The following OR7G2 variants were observed in gnomAD, a reference collection of about 807,000 sequenced individuals.
OR7G2 encodes olfactory receptor family 7 subfamily G member 2, also known as olfactory receptor 7G2.
For missense variants in OR7G2, 362 were observed against 384.0 expected, an observed-to-expected ratio of 0.94 and a Z score of 0.48; for synonymous variants, 153 against 152.2, an observed-to-expected ratio of 1.01 and a Z score of -0.04.
chr19:9,105,484 CA>C (rs2050380984), intron 1 of OR7G2, among the ~76,000 whole-genome samples: 1 of 152,038 alleles, frequency 6.6e-6, no homozygotes, highest in South Asian at 2.1e-4. Flanking sequence ...GAACTAAACC[CA>C]AAAACCACAT....
chr19:9,103,370 T>C (rs1353328798), intron 1 of OR7G2, 111 bp from the exon 2 acceptor site: 1 of 999,292 alleles, frequency 1.0e-6, no homozygotes, highest in Non-Finnish European at 1.5e-6. Flanking sequence ...GCTGATAAAC[T>C]CTGGGGATGA....
chr19:9,103,336 C>T, intron 1 of OR7G2, 77 bp from the exon 2 acceptor site: 1 of 1,461,102 alleles, frequency 6.8e-7, no homozygotes, highest in Non-Finnish European at 9.5e-7. Context: ...AACGCAAAAT[C>T]TTGCTCCCCT....
At position 9,102,259 on chromosome 19, in the gene OR7G2, T is replaced by C. The variant is rs1180945228; in HGVS notation, c.*10A>G. The C allele has an allele frequency of 1.3e-5, 20 of 1,573,614 alleles. 1 individual carries two copies. In the Admixed American group the frequency reaches 3.8e-4, roughly 30 times the overall value. ...GCATTCTAGCTCACCAGGAATCCTG[T>C]CACTTTGACTTACTCTAGAAACCTG... On this transcript the variant is annotated 3_prime_UTR_variant, in exon 2 of 2. Coordinates refer to ENST00000641081, the MANE Select transcript of OR7G2 (RefSeq NM_001005193.2).
In OR7G2 at chr19:9,106,379, C is replaced by T. The variant is rs1253604259; in HGVS notation, c.-17+935G>A. Among the ~76,000 whole-genome samples, 17 of 148,478 alleles carry T rather than the reference C, an allele frequency of 1.1e-4. No individual in the cohort carries two copies. The East Asian group carries it at 2.4e-3, about 21-fold the overall frequency. ...GGCAGAGGTTGCAGTAAGCCGAGAT[C>T]GTGCCACTGCACTCCAGCCTGGGTG... On this transcript the variant is annotated intron_variant, in intron 1 of 1. Coordinates refer to ENST00000641081, the MANE Select transcript of OR7G2 (RefSeq NM_001005193.2).
At chr19:9,103,401 C>T in intron 1 of OR7G2, 142 bp from the exon 2 acceptor site, 1 of 704,804 alleles carries the variant, frequency 1.4e-6, no homozygotes, top group Non-Finnish European at 2.4e-6. Flanking sequence ...TTTATTCTTT[C>T]ACAAGCCTTG....
chr19:9,103,072 G>A lies in OR7G2; in HGVS notation c.172C>T (p.Pro58Ser). ...AGATTGGAGAGGAAGAAGTACATGG[G>A]GGTGTGGAGGTGAGAGTCAGAGATG... The part of the protein sequence containing the change: ...AVISDSHLHT[P>S]MYFFLSNLSF... Residue 58 changes from proline (P) to serine (S), a missense_variant, in exon 2 of 2, where the codon CCC becomes TCC. Pro to Ser is a moderately conservative substitution (Grantham distance 74). Transcript: ENST00000641081. 2 of 1,614,064 alleles carry A rather than the reference G, an allele frequency of 1.2e-6. No homozygotes were observed. The highest frequency in any genetic ancestry group is 1.7e-6 in the Non-Finnish European group (2 of 1,179,984).
At chr19:9,104,770 T>G (rs1012799963) in intron 1 of OR7G2, among the ~76,000 whole-genome samples, 2 of 151,662 alleles carry the variant, frequency 1.3e-5, no homozygotes, top group African/African-American at 2.4e-5. Context: ...GAGCTTGCAG[T>G]GAGCCGAGAT....
At position 9,102,476 on chromosome 19, in the gene OR7G2, C is replaced by T; in HGVS notation, c.768G>A (p.Leu256=). 4.3e-6 allele frequency: 7 copies of T among 1,614,090 alleles called. No individual in the cohort carries two copies. Among genetic ancestry groups the T allele is most frequent in the Non-Finnish European group, 5.9e-6 (7 of 1,179,970 alleles). The change falls in exon 2 of 2, where the codon TTG becomes TTA. Residue 256 remains leucine, a synonymous_variant. Transcript: ENST00000641081. Reference sequence around the variant, plus strand: ...TAACCACAGAACTAATGTACACCCCCAAACCTGCCCCATAGAACAAGAGAA... The same window carrying T: ...TAACCACAGAACTAATGTACACCCCTAAACCTGCCCCATAGAACAAGAGAA... ...SIVLLFYGAG[L]GVYISSVVTD...
chr19:9,103,360 G>C, intron 1 of OR7G2, 101 bp from the exon 2 acceptor site: 2 of 1,132,542 alleles, frequency 1.8e-6, no homozygotes, highest in Non-Finnish European at 2.6e-6. Context: ...CAGACTTCTT[G>C]CTGATAAACT....
chr19:9,102,257 T>C lies in OR7G2; in HGVS notation c.*12A>G, dbSNP rs536999885. On this transcript the variant is annotated 3_prime_UTR_variant, in exon 2 of 2. Coordinates refer to ENST00000641081, the MANE Select transcript of OR7G2 (RefSeq NM_001005193.2). Reference sequence around the variant, plus strand: ...AGGCATTCTAGCTCACCAGGAATCCTGTCACTTTGACTTACTCTAGAAACC... The same window carrying C: ...AGGCATTCTAGCTCACCAGGAATCCCGTCACTTTGACTTACTCTAGAAACC... 27 of 1,573,146 alleles carry C rather than the reference T, an allele frequency of 1.7e-5. No homozygotes were observed. The highest frequency in any genetic ancestry group is 2.7e-5 in the African/African-American group (2 of 73,268).
At position 9,101,044 on chromosome 19, in the gene OR7G2, G is replaced by A. The variant is rs936526900; in HGVS notation, c.*1225C>T. On this transcript the variant is annotated 3_prime_UTR_variant, in exon 2 of 2. Transcript: ENST00000641081. ...GCTTCCTAGGAGGCTGAGGTAGGAG[G>A]GTCCCTGGAGTTTGAGCCCTGGAGT... The A allele has an allele frequency of 6.6e-6, 1 of 152,340 alleles. No individual in the cohort carries two copies. The highest frequency in any genetic ancestry group is 2.4e-5 in the African/African-American group (1 of 41,418). The allele number at this position is 152,340 out of a possible 1,614,324, so 9.4% of individuals were successfully genotyped here.
chr19:9,107,009 C>T (rs1187638039), intron 1 of OR7G2, among the ~76,000 whole-genome samples: 1 of 151,730 alleles, frequency 6.6e-6, no homozygotes, highest in African/African-American at 2.4e-5. Context: ...TAAGACCAGC[C>T]TGGGCAACGT....
Position 9,102,156 on chromosome 19 carries a change from C to T in OR7G2, c.*113G>A, listed in dbSNP as rs1184853664. The T allele has an allele frequency of 3.5e-5, 32 of 926,966 alleles. No homozygotes were observed. The South Asian group carries it at 4.2e-4, about 12-fold the overall frequency. The allele number at this position is 926,966 out of a possible 1,614,324, so 57.4% of individuals were successfully genotyped here. On this transcript the variant is annotated 3_prime_UTR_variant, in exon 2 of 2. Transcript: ENST00000641081. ...GGCGGAAGTTGCAGTGAGCCGAGGT[C>T]GTGCCATTGCACTCCAGCCTGGGAG...
rs1460321934 is a variant in OR7G2, at chr19:9,102,208, A to AAAAAC, written c.*56_*60dup. The stretch of plus-strand genomic sequence containing the variant: ...CAGAGAAAGACTCCATCTCAGAGAA[A>AAAAAC]AAAACAAAACAAAACAAAGAGTCAG... On this transcript the variant is annotated 3_prime_UTR_variant, in exon 2 of 2. Coordinates refer to ENST00000641081, the MANE Select transcript of OR7G2 (RefSeq NM_001005193.2). 2.4e-5 allele frequency: 35 copies of AAAAAC among 1,470,342 alleles called. No homozygotes were observed. In the East Asian group the frequency reaches 7.3e-4, roughly 31 times the overall value. The allele number at this position is 1,470,342 out of a possible 1,614,324, so 91.1% of individuals were successfully genotyped here. A position where few individuals can be genotyped will look rare whatever the true frequency, so the allele number is the denominator to read the frequency against.
At chr19:9,103,404 A>T (rs1223065545) in intron 1 of OR7G2, 145 bp from the exon 2 acceptor site, 2 of 695,134 alleles carry the variant, frequency 2.9e-6, no homozygotes, top group Middle Eastern at 2.5e-4. Context: ...ATTCTTTCAC[A>T]AGCCTTGTAG....
At position 9,102,571 on chromosome 19, in the gene OR7G2, C is replaced by T; in HGVS notation, c.673G>A (p.Val225Ile). ...CCACTTGCTGATGGCATTCTCAAAA[C>T]ACAGGAGGTGATCTGAGTGTAAGAC... is the stretch of plus-strand genomic sequence containing the variant. Reference protein sequence around the residue: ...ILSYTQITSCVLRMPSASGKH... With the variant: ...ILSYTQITSCILRMPSASGKH... Residue 225 changes from valine (V) to isoleucine (I), a missense_variant, in exon 2 of 2, where the codon GTT becomes ATT. By Grantham distance (29) the Val-to-Ile change is conservative (BLOSUM62 3). Transcript: ENST00000641081. 4 of 1,614,190 alleles carry T rather than the reference C, an allele frequency of 2.5e-6. No individual in the cohort carries two copies. The highest frequency in any genetic ancestry group is 3.4e-6 in the Non-Finnish European group (4 of 1,180,032).
chr19:9,104,603 A>G (rs76224408), intron 1 of OR7G2, among the ~76,000 whole-genome samples: 44,144 of 151,698 alleles, frequency 0.29, 7,202 homozygotes, highest in East Asian at 0.59. Context: ...CGAGGCGGGC[A>G]GATCACGGGG....
At chr19:9,106,756 T>C (rs1457304097) in intron 1 of OR7G2, among the ~76,000 whole-genome samples, 2 of 130,982 alleles carry the variant, frequency 1.5e-5, no homozygotes, top group East Asian at 4.6e-4. Context: ...AAAAAAAAAG[T>C]GCATATTTCA....
At position 9,101,981 on chromosome 19, in the gene OR7G2, T is replaced by A. The variant is rs553673037; in HGVS notation, c.*288A>T. ...ACTTTGGGAGGCCGAGGCGGGTGGA[T>A]CACCTGACGTCAGGAGTTTGAGACC... is the stretch of plus-strand genomic sequence containing the variant. On this transcript the variant is annotated 3_prime_UTR_variant, in exon 2 of 2. Transcript: ENST00000641081. 54 of 269,692 alleles carry A rather than the reference T, an allele frequency of 2.0e-4. No homozygotes were observed. The highest frequency in any genetic ancestry group is 1.1e-3 in the African/African-American group (51 of 45,518). The allele number at this position is 269,692 out of a possible 1,614,324, so 16.7% of individuals were successfully genotyped here.
Sources: gnomAD v4.1 joint callset for allele counts (sites outside exome capture counted in the v4.1 genomes callset) on GRCh38, gnomAD v4.1.1 for gene constraint, MANE v1.5 for transcripts, NCBI Gene and HGNC (gene_info 2026-07-23, HGNC 2026-07-21) for gene names.